Variants in CSMD1 observed in about 807,000 individuals in gnomAD.
The protein encoded by CSMD1 is CUB and Sushi multiple domains 1.
In CSMD1, 213 loss-of-function variants were observed where a neutral mutation model predicts 417.5. That is an observed-to-expected ratio of 0.51 (90% CI 0.46 to 0.57). CSMD1 has a LOEUF of 0.57. Ranked by LOEUF, CSMD1 falls within the 20% of genes least tolerant of loss-of-function variation. The pLI, the probability that CSMD1 is intolerant of heterozygous loss-of-function variation, is 0.00. For synonymous variants in CSMD1, 2,862 were observed against 1,736.8 expected, an observed-to-expected ratio of 1.65 and a Z score of -16.11; for missense variants, 6,923 against 4,529.7, an observed-to-expected ratio of 1.53 and a Z score of -15.17.
Position 3,473,204 on chromosome 8 carries a change from C to G in CSMD1, c.1449-4380G>C, listed in dbSNP as rs374856432. On this transcript the variant is annotated intron_variant, in intron 11 of 69. Coordinates refer to ENST00000635120, the MANE Select transcript of CSMD1 (RefSeq NM_033225.6). ...ATACTGAACTTTGCTTTAATTTAAT[C>G]TTATATTACTTTGTTCATTTGCATG... is the stretch of plus-strand genomic sequence containing the variant. Among the ~76,000 whole-genome samples the G allele has an allele frequency of 1.4e-4, 21 of 152,214 alleles. No individual in the cohort carries two copies. The East Asian group carries it at 2.9e-3, about 21-fold the overall frequency.
rs1042779524 is a variant in CSMD1 at position 4,344,645 on chromosome 8, A to C, written c.415+75308T>G. ...TATGCTCAAAGGAAGGTTTGTTTAA[A>C]AGCACTCAAGAATTGAATCAATAAA... is the stretch of plus-strand genomic sequence containing the variant. On this transcript the variant is annotated intron_variant, in intron 3 of 69. Coordinates refer to ENST00000635120, the MANE Select transcript of CSMD1 (RefSeq NM_033225.6). 3.9e-5 allele frequency among the ~76,000 whole-genome samples: 6 copies of C among 151,998 alleles called. No individual in the cohort carries two copies. The East Asian group carries it at 9.7e-4, about 24-fold the overall frequency.
intron 20 of CSMD1, among the ~76,000 whole-genome samples, chr8:3,364,931 C>G (rs780657144): frequency 6.6e-5 from 10 of 152,306 alleles, no homozygotes; most frequent in East Asian, 5.8e-4. Context: ...GAATAAGAAA[C>G]TGATGCAGTA....
intron 2 of CSMD1, among the ~76,000 whole-genome samples, chr8:4,539,110 A>AGCTT (rs1173158499): frequency 6.6e-6 from 1 of 152,194 alleles, no homozygotes; most frequent in African/African-American, 2.4e-5. Flanking sequence ...AATGACCTTT[A>AGCTT]GCTTAGCATA....
At chr8:3,411,819 T>C (rs544474351) in intron 12 of CSMD1, among the ~76,000 whole-genome samples, 1 of 108,208 alleles carries the variant, frequency 9.2e-6, no homozygotes, top group African/African-American at 3.6e-5. Flanking sequence ...TATATATACG[T>C]GTATATGTAT....
chr8:4,351,812 G>C (rs1022569464), intron 3 of CSMD1, among the ~76,000 whole-genome samples: 3 of 152,238 alleles, frequency 2.0e-5, no homozygotes, highest in African/African-American at 4.8e-5. Context: ...ATCTCAAAAG[G>C]AGCAGAGCAA....
At chr8:4,781,517 G>A (rs571005553) in intron 1 of CSMD1, among the ~76,000 whole-genome samples, 107 of 152,248 alleles carry the variant, frequency 7.0e-4, no homozygotes, top group African/African-American at 2.6e-3. Context: ...TCACATACAA[G>A]AGATAATTAA....
intron 3 of CSMD1, among the ~76,000 whole-genome samples, chr8:4,340,670 A>G (rs748661091): frequency 3.9e-5 from 6 of 152,060 alleles, no homozygotes; most frequent in Non-Finnish European, 8.8e-5. Context: ...ATTAACCTAG[A>G]GAGTAGGCTG....
At chr8:3,609,945 G>A (rs13265211) in intron 8 of CSMD1, among the ~76,000 whole-genome samples, 31,500 of 149,840 alleles carry the variant, frequency 0.21, 3,483 homozygotes, top group Admixed American at 0.25. Flanking sequence ...GGGACTACGG[G>A]CGCACACCAA....
chr8:4,047,855 G>A (rs1014530914), intron 3 of CSMD1, among the ~76,000 whole-genome samples: 5 of 151,858 alleles, frequency 3.3e-5, no homozygotes, highest in Non-Finnish European at 7.4e-5. Context: ...TGAAGTAGAG[G>A]ATCAGATCTA....
chr8:4,057,085 G>A (rs1043542621), intron 3 of CSMD1, among the ~76,000 whole-genome samples: 1 of 152,142 alleles, frequency 6.6e-6, no homozygotes, highest in Non-Finnish European at 1.5e-5. Context: ...GGTATTTGTA[G>A]TTCTAGATCC....
chr8:4,073,126 T>C (rs1353659685), intron 3 of CSMD1, among the ~76,000 whole-genome samples: 2 of 152,122 alleles, frequency 1.3e-5, no homozygotes, highest in African/African-American at 4.8e-5. Flanking sequence ...ATTCTAGAAA[T>C]TGGCAGAACA....
Position 4,276,849 on chromosome 8 carries a change from T to C in CSMD1, c.415+143104A>G, listed in dbSNP as rs187794769. ...TTTCAGAAATACAATAAATGTTCAA[T>C]TTCCTTAATCAGAAAATAAGTTAAA... On this transcript the variant is annotated intron_variant, in intron 3 of 69. Transcript: ENST00000635120. Among the ~76,000 whole-genome samples the C allele has an allele frequency of 2.3e-3, 351 of 152,282 alleles. 10 individuals are homozygous for C. Among genetic ancestry groups the C allele is most frequent in the Admixed American group, 0.022 (333 of 15,280 alleles).
intron 1 of CSMD1, among the ~76,000 whole-genome samples, chr8:4,791,263 C>T (rs957598695): frequency 6.6e-6 from 1 of 152,160 alleles, no homozygotes; most frequent in African/African-American, 2.4e-5. Context: ...CTTTGCCTGT[C>T]ATGGACACAG....
chr8:4,133,565 G>A (rs955058628), intron 3 of CSMD1, among the ~76,000 whole-genome samples: 1 of 152,130 alleles, frequency 6.6e-6, no homozygotes, highest in African/African-American at 2.4e-5. Context: ...TTGTAGGAAA[G>A]CCGTGCATTA....
intron 8 of CSMD1, among the ~76,000 whole-genome samples, chr8:3,609,738 TA>T (rs74564741): frequency 9.4e-4 from 134 of 142,474 alleles, no homozygotes; most frequent in South Asian, 3.3e-3. Flanking sequence ...TATAAGAATT[TA>T]AAAAAAAAAA....
At chr8:4,298,393 C>G (rs1206794894) in intron 3 of CSMD1, among the ~76,000 whole-genome samples, 1 of 152,026 alleles carries the variant, frequency 6.6e-6, no homozygotes, top group Non-Finnish European at 1.5e-5. Flanking sequence ...TGCTTTGAAT[C>G]CAAGAATACC....
chr8:3,365,130 C>CAG lies in CSMD1; in HGVS notation c.3115+1900_3115+1901dup, dbSNP rs202032263. On this transcript the variant is annotated intron_variant, in intron 20 of 69. Coordinates refer to ENST00000635120, the MANE Select transcript of CSMD1 (RefSeq NM_033225.6). ...AATTGAGATACACCAGGGGAGAATGCAGAGAGAGAGGGATTTAGGAATTAG... is the reference window on the plus strand; with the variant it reads ...AATTGAGATACACCAGGGGAGAATGCAGAGAGAGAGAGGGATTTAGGAATTAG... Among the ~76,000 whole-genome samples the CAG allele has an allele frequency of 7.5e-3, 1,134 of 152,158 alleles. 5 individuals are homozygous for CAG. Among genetic ancestry groups the CAG allele is most frequent in the Non-Finnish European group, 0.012 (841 of 68,002 alleles).
At chr8:2,981,748 A>G (rs2128939990) in intron 54 of CSMD1, among the ~76,000 whole-genome samples, 2 of 152,318 alleles carry the variant, frequency 1.3e-5, no homozygotes, top group Middle Eastern at 3.4e-3. Flanking sequence ...AAAGCTGGGT[A>G]TGTGGAAAGG....
intron 52 of CSMD1, among the ~76,000 whole-genome samples, chr8:3,014,866 T>G (rs938799719): frequency 6.6e-6 from 1 of 151,628 alleles, no homozygotes; most frequent in Non-Finnish European, 1.5e-5. Context: ...CAGTGAGCTG[T>G]TGTTGCACCA....
Sources: gnomAD v4.1 joint callset for allele counts (sites outside exome capture counted in the v4.1 genomes callset) on GRCh38, gnomAD v4.1.1 for gene constraint, MANE v1.5 for transcripts, NCBI Gene and HGNC (gene_info 2026-07-23, HGNC 2026-07-21) for gene names.